Variants in MECR observed in about 807,000 individuals in gnomAD.
MECR encodes mitochondrial trans-2-enoyl-CoA reductase, also known as enoyl-[acyl-carrier-protein] reductase, mitochondrial.
In MECR, 37 loss-of-function variants were observed where a neutral mutation model predicts 49.1. The ratio of observed to expected loss-of-function variants is 0.75; its 90% CI spans 0.58 to 0.99. The LOEUF is 0.99. Among genes scored for constraint, MECR ranks in the 50% least tolerant of loss-of-function variants. MECR has a pLI of 0.00. For synonymous variants in MECR, 198 were observed against 191.1 expected (o/e 1.04, Z -0.30); for missense variants, 470 against 479.6 (o/e 0.98, Z 0.19).
At chr1:29,189,236 G>A (rs903017328), downstream of MECR, among the ~76,000 whole-genome samples, 11 of 134,620 alleles carry the variant, frequency 8.2e-5, 1 homozygote, top group South Asian at 9.2e-4. Flanking sequence ...TGTGTCTGGC[G>A]AATTTTTATA....
chr1:29,169,536 C>A, the MECR span: 1 of 152,124 alleles, frequency 6.6e-6, no homozygotes, highest in Non-Finnish European at 1.5e-5. Context: ...ACAAGTGGAA[C>A]CAAACCCATA....
intron 9 of MECR, among the ~76,000 whole-genome samples, chr1:29,195,455 C>T (rs1339646403): frequency 6.6e-6 from 1 of 152,212 alleles, no homozygotes; most frequent in Non-Finnish European, 1.5e-5. Context: ...GTGCCTCATA[C>T]CTCCCTGCAG....
intron 6 of MECR, among the ~76,000 whole-genome samples, chr1:29,200,853 A>G (rs1232249439): frequency 2.6e-5 from 4 of 152,012 alleles, no homozygotes; most frequent in Admixed American, 2.6e-4. Context: ...CAGTGGTGCA[A>G]TCATGGCTCA....
At chr1:29,183,751 T>G in the MECR span, among the ~76,000 whole-genome samples, 6 of 152,218 alleles carry the variant, frequency 3.9e-5, no homozygotes, top group Admixed American at 1.3e-4. Context: ...TTTTTCCATT[T>G]GTTGACTTTT....
chr1:29,221,071 G>A (rs746829532), intron 1 of MECR: 46 of 197,016 alleles, frequency 2.3e-4, no homozygotes, highest in Non-Finnish European at 3.7e-4. Context: ...ATGGTAGCAC[G>A]CACCTGTAGT....
At chr1:29,199,304 C>T (rs1330194747) in intron 7 of MECR, among the ~76,000 whole-genome samples, 5 of 151,822 alleles carry the variant, frequency 3.3e-5, no homozygotes, top group African/African-American at 4.8e-5. Flanking sequence ...CTCGGCCCAC[C>T]GCAAGCTCTG....
intron 1 of MECR, chr1:29,223,436 T>C (rs1681270973): frequency 4.5e-6 from 1 of 220,078 alleles, no homozygotes; most frequent in East Asian, 1.8e-4. Flanking sequence ...TAATTAGCAA[T>C]CATTTGTACT....
intron 7 of MECR, chr1:29,200,186 G>T (rs1674974903): frequency 5.4e-6 from 1 of 186,462 alleles, no homozygotes; most frequent in Non-Finnish European, 1.1e-5. Context: ...ATTTTGAAAG[G>T]TTAAATAAGT....
At chr1:29,221,005 G>C in intron 1 of MECR, 1 of 713,068 alleles carries the variant, frequency 1.4e-6, no homozygotes, top group Non-Finnish European at 1.7e-6. Flanking sequence ...AATATTTATG[G>C]ACAGTCGAAG....
intron 3 of MECR, among the ~76,000 whole-genome samples, chr1:29,208,274 G>A (rs1254324526): frequency 6.6e-6 from 1 of 152,220 alleles, no homozygotes; most frequent in Non-Finnish European, 1.5e-5. Flanking sequence ...TTACAGGCGT[G>A]AGCCACTGCG....
Position 29,206,745 on chromosome 1 carries a change from A to G in MECR, c.550+17T>C. On this transcript the variant is annotated intron_variant, in intron 4 of 9. Transcript: ENST00000263702. ...TTGCGAGACCCTGGCCTGCTCCCCCAACCTGTGGGTTCCTACCTGGCTGCA... is the reference window on the plus strand; with the variant it reads ...TTGCGAGACCCTGGCCTGCTCCCCCGACCTGTGGGTTCCTACCTGGCTGCA... The G allele has an allele frequency of 6.2e-7, 1 of 1,613,720 alleles. No individual in the cohort carries two copies. The highest frequency in any genetic ancestry group is 8.5e-7 in the Non-Finnish European group (1 of 1,179,792).
chr1:29,210,171 C>T (rs1418286998), intron 3 of MECR, among the ~76,000 whole-genome samples: 3 of 152,072 alleles, frequency 2.0e-5, no homozygotes, highest in Admixed American at 6.5e-5. Flanking sequence ...CCACCACACC[C>T]GGCTAATTTT....
the MECR span, among the ~76,000 whole-genome samples, chr1:29,174,972 G>A: frequency 1.4e-5 from 2 of 147,114 alleles, no homozygotes; most frequent in Admixed American, 6.8e-5. Flanking sequence ...ACAACTGGCC[G>A]GTGGGTTTTT....
the MECR span, among the ~76,000 whole-genome samples, chr1:29,181,293 C>T: frequency 6.6e-6 from 1 of 152,196 alleles, no homozygotes; most frequent in Non-Finnish European, 1.5e-5. Flanking sequence ...TGGTGTCTAC[C>T]CAGAAACGAA....
At chr1:29,227,591 G>A (rs931411331) in intron 1 of MECR, among the ~76,000 whole-genome samples, 2 of 152,154 alleles carry the variant, frequency 1.3e-5, no homozygotes, top group African/African-American at 4.8e-5. Flanking sequence ...GACCTGAGAA[G>A]GCTGTTCCTC....
At chr1:29,198,642 ACT>A in intron 7 of MECR, among the ~76,000 whole-genome samples, 1 of 152,012 alleles carries the variant, frequency 6.6e-6, no homozygotes, top group Non-Finnish European at 1.5e-5. Context: ...TTTGAGACAC[ACT>A]GTTTCTCTGA....
At chr1:29,182,345 C>A in the MECR span, among the ~76,000 whole-genome samples, 1 of 152,112 alleles carries the variant, frequency 6.6e-6, no homozygotes, top group South Asian at 2.1e-4. Flanking sequence ...TTCCTACCTT[C>A]CAGAGTTGTC....
At chr1:29,213,899 G>A (rs1319042636) in intron 3 of MECR, among the ~76,000 whole-genome samples, 1 of 152,204 alleles carries the variant, frequency 6.6e-6, no homozygotes, top group East Asian at 1.9e-4. Context: ...GGCACAAAGA[G>A]AGTGGCCAAT....
chr1:29,218,716 C>T (rs1467570843), intron 1 of MECR, among the ~76,000 whole-genome samples: 1 of 152,120 alleles, frequency 6.6e-6, no homozygotes, highest in African/African-American at 2.4e-5. Context: ...TCTAAAAATA[C>T]AAAAATTAGC....
Sources: allele counts gnomAD v4.1 joint callset (sites outside exome capture counted in the v4.1 genomes callset), GRCh38; gene constraint gnomAD v4.1.1; transcripts MANE v1.5; gene names NCBI Gene and HGNC (gene_info 2026-07-23, HGNC 2026-07-21).